The following ZNF799 variants were observed in gnomAD, a reference collection of about 807,000 sequenced individuals.
The protein encoded by ZNF799 is zinc finger protein 14.
ZNF799 carries 28 observed loss-of-function variants against 41.0 expected under a neutral mutation model. That is an observed-to-expected ratio of 0.68 (90% CI 0.51 to 0.94). ZNF799 has a LOEUF of 0.94. Ranked by LOEUF, ZNF799 falls within the 40% of genes least tolerant of loss-of-function variation. The pLI is 0.00. For missense variants in ZNF799, 716 were observed against 764.3 expected (o/e 0.94, Z 0.74); for synonymous variants, 213 against 252.9 (o/e 0.84, Z 1.50).
At position 12,391,539 on chromosome 19, in the gene ZNF799, C is replaced by G. The variant is rs565824642; in HGVS notation, c.859G>C (p.Gly287Arg). 9.3e-6 allele frequency: 15 copies of G among 1,614,130 alleles called. No homozygotes were observed. The highest frequency in any genetic ancestry group is 5.9e-6 in the Non-Finnish European group (7 of 1,179,996). The change falls in exon 4 of 4, where the codon GGG becomes CGG. Residue 287 changes from glycine (G) to arginine (R), a missense_variant. By Grantham distance (125) the Gly-to-Arg change is moderately radical (BLOSUM62 -2). Transcript: ENST00000430385. The stretch of plus-strand genomic sequence containing the variant: ...GAAGTGGAAGCACTGAAGGCTTTCC[C>G]ACATTGTTTACATGTATAGGGTTTC... ...GKKPYTCKQCGKAFSASTSLR... is the reference protein window; with the variant it reads ...GKKPYTCKQCRKAFSASTSLR...
At chr19:12,397,131 G>A (rs77948533) in intron 1 of ZNF799, among the ~76,000 whole-genome samples, 4,758 of 104,176 alleles carry the variant, frequency 0.046, no homozygotes, top group South Asian at 0.087. Flanking sequence ...TAAATTGGGT[G>A]GGAGGGAGGA....
At position 12,393,046 on chromosome 19, in the gene ZNF799, C is replaced by G. The variant is rs376209094; in HGVS notation, c.130+251G>C. ...TGTGAGAATATACGATGTAATAATA[C>G]GACATAAAATATATGTATTAATCAC... is the stretch of plus-strand genomic sequence containing the variant. On this transcript the variant is annotated intron_variant, in intron 2 of 3. Transcript: ENST00000430385. 4.1e-3 allele frequency among the ~76,000 whole-genome samples: 610 copies of G among 147,452 alleles called. 3 individuals carry two copies. Among genetic ancestry groups the G allele is most frequent in the Middle Eastern group, 0.021 (6 of 292 alleles).
intron 1 of ZNF799, among the ~76,000 whole-genome samples, chr19:12,397,239 C>A (rs1294055432): frequency 1.3e-5 from 2 of 151,942 alleles, no homozygotes; most frequent in Admixed American, 6.6e-5. Flanking sequence ...ACTCCAAATG[C>A]TAGGGAAATC....
intron 1 of ZNF799, among the ~76,000 whole-genome samples, chr19:12,395,427 C>T (rs1969880585): frequency 6.6e-6 from 1 of 152,136 alleles, no homozygotes; most frequent in African/African-American, 2.4e-5. Flanking sequence ...CAGGTGTGAG[C>T]CACAGTGCCC....
intron 1 of ZNF799, among the ~76,000 whole-genome samples, chr19:12,397,705 G>C (rs1969918175): frequency 1.3e-5 from 2 of 150,904 alleles, no homozygotes; most frequent in African/African-American, 4.9e-5. Flanking sequence ...AAACCGACAA[G>C]TATAACAAAT....
chr19:12,408,280 T>C, the ZNF799 span, among the ~76,000 whole-genome samples: 1 of 152,136 alleles, frequency 6.6e-6, no homozygotes, highest in South Asian at 2.1e-4. Context: ...AGATTTACTA[T>C]ACTAATAGAA....
chr19:12,397,586 G>C (rs1001520630), intron 1 of ZNF799, among the ~76,000 whole-genome samples: 2 of 140,756 alleles, frequency 1.4e-5, no homozygotes, highest in African/African-American at 2.6e-5. Context: ...AAAAAAGAAA[G>C]AAAGAAAGAA....
chr19:12,394,555 A>G, intron 1 of ZNF799: 1 of 983,844 alleles, frequency 1.0e-6, no homozygotes, highest in Non-Finnish European at 1.2e-6. Context: ...GCTGGCAACT[A>G]GTTTCCTTTA....
the ZNF799 span, among the ~76,000 whole-genome samples, chr19:12,409,936 C>T: frequency 6.6e-6 from 1 of 152,124 alleles, no homozygotes; most frequent in Non-Finnish European, 1.5e-5. Context: ...CACTTGAGGT[C>T]AGGAGTTGGA....
intron 1 of ZNF799, among the ~76,000 whole-genome samples, chr19:12,397,576 A>C (rs1350473777): frequency 6.6e-6 from 1 of 151,506 alleles, no homozygotes; most frequent in Non-Finnish European, 1.5e-5. Context: ...AAAAAAAAAA[A>C]AAAAAGAAAG....
At chr19:12,402,910 C>A (rs1294213100), upstream of ZNF799, among the ~76,000 whole-genome samples, 1 of 152,042 alleles carries the variant, frequency 6.6e-6, no homozygotes, top group Non-Finnish European at 1.5e-5. Flanking sequence ...TCTGACATGT[C>A]TTTGTCTGGT....
chr19:12,390,733 CAT>C lies in ZNF799; in HGVS notation c.1663_1664del (p.Met555GlufsTer6). 4 of 1,613,910 alleles carry C rather than the reference CAT, an allele frequency of 2.5e-6. No individual in the cohort carries two copies. The highest frequency in any genetic ancestry group is 3.4e-6 in the Non-Finnish European group (4 of 1,179,958). ...TCFLRHERIH[M>X]REKPYECQQC... ...GTTGACACTCATAGGGTTTCTCTCT[CAT>C]GTGAATTCTTTCATGTCGTAGAAAG... On this transcript the variant is annotated frameshift_variant, in exon 4 of 4. Transcript: ENST00000430385. LOFTEE classifies it high-confidence loss of function.
upstream of ZNF799, among the ~76,000 whole-genome samples, chr19:12,405,852 C>CT (rs1970025518): frequency 7.2e-5 from 11 of 152,260 alleles, no homozygotes; most frequent in South Asian, 2.3e-3. Flanking sequence ...TAGTTCATCT[C>CT]TGAGAAACCT....
At chr19:12,402,667 C>T (rs56219248), upstream of ZNF799, among the ~76,000 whole-genome samples, 87 of 151,794 alleles carry the variant, frequency 5.7e-4, no homozygotes, top group African/African-American at 1.9e-3. Context: ...TTATCAAAAG[C>T]TTTTTCAGTG....
intron 1 of ZNF799, among the ~76,000 whole-genome samples, chr19:12,399,526 T>C (rs1414502291): frequency 6.6e-6 from 1 of 150,938 alleles, no homozygotes; most frequent in South Asian, 2.1e-4. Flanking sequence ...CCCATCCCAG[T>C]GGATCCAGTT....
At chr19:12,394,863 TAAAGG>T in intron 1 of ZNF799, 1 of 984,936 alleles carries the variant, frequency 1.0e-6, no homozygotes, top group Non-Finnish European at 1.2e-6. Context: ...CAAAAACAAA[TAAAGG>T]ATTTTATTTG....
At chr19:12,409,766 C>T in the ZNF799 span, among the ~76,000 whole-genome samples, 4 of 152,074 alleles carry the variant, frequency 2.6e-5, no homozygotes, top group South Asian at 4.1e-4. Flanking sequence ...TCCAGAAAGT[C>T]GACATTTGAA....
Position 12,391,440 on chromosome 19 carries a change from G to A in ZNF799, c.958C>T (p.His320Tyr). Residue 320 changes from histidine (H) to tyrosine (Y), a missense_variant, in exon 4 of 4, where the codon CAT becomes TAT. His to Tyr is a moderately conservative substitution (Grantham distance 83). Transcript: ENST00000430385. The part of the protein sequence containing the change: ...ACQQCGKAFH[H>Y]LGSFQRHMVM... ...ATGTGTCTTTGAAAGCTTCCCAGAT[G>A]ATGAAACGCTTTCCCACATTGCTGA... 1.2e-6 allele frequency: 2 copies of A among 1,613,892 alleles called. No homozygotes were observed. Among genetic ancestry groups the A allele is most frequent in the South Asian group, 2.2e-5 (2 of 91,058 alleles).
Position 12,390,110 on chromosome 19 carries a change from CTT to C in ZNF799, c.*354_*355del, listed in dbSNP as rs1427638466. Reference sequence around the variant, plus strand: ...CATCTATACTGAAAATACATAGACTCTTTTCCTTATCATGAGTCCCTAAACAA... The same window carrying C: ...CATCTATACTGAAAATACATAGACTCTTCCTTATCATGAGTCCCTAAACAA... On this transcript the variant is annotated 3_prime_UTR_variant, in exon 4 of 4. Transcript: ENST00000430385. 5.7e-6 allele frequency: 2 copies of C among 349,544 alleles called. No homozygotes were observed. The highest frequency in any genetic ancestry group is 1.0e-5 in the Non-Finnish European group (2 of 192,304). The allele number at this position is 349,544 out of a possible 1,614,324, so 21.7% of individuals were successfully genotyped here.
Sources: gnomAD v4.1 joint callset for allele counts (sites outside exome capture counted in the v4.1 genomes callset) on GRCh38, gnomAD v4.1.1 for gene constraint, MANE v1.5 for transcripts, NCBI Gene and HGNC (gene_info 2026-07-23, HGNC 2026-07-21) for gene names.